The following PIAS2 variants were observed in gnomAD, a reference collection of about 807,000 sequenced individuals.
The protein encoded by PIAS2 is protein inhibitor of activated STAT 2.
In PIAS2, 19 loss-of-function variants were observed where a neutral mutation model predicts 69.7. The ratio of observed to expected loss-of-function variants is 0.27; its 90% CI spans 0.19 to 0.40. The LOEUF is 0.40. PIAS2 is among the 10% of genes least tolerant of loss of function. The pLI is 1.00. For synonymous variants in PIAS2, 261 were observed against 263.2 expected (o/e 0.99, Z 0.08); for missense variants, 624 against 757.0 (o/e 0.82, Z 2.06).
chr18:46,855,103 TAAAAAAAAAAAAA>T (rs59957336), intron 5 of PIAS2, among the ~76,000 whole-genome samples: 8 of 76,348 alleles, frequency 1.0e-4, no homozygotes, highest in Admixed American at 3.4e-4. Context: ...CTTGTCTCTT[TAAAAAAAAAAAAA>T]AAAAAAAAAA....
chr18:46,819,526 T>C (rs1011967616), intron 12 of PIAS2, among the ~76,000 whole-genome samples: 9 of 152,122 alleles, frequency 5.9e-5, no homozygotes, highest in Non-Finnish European at 1.2e-4. Context: ...TCACATAATC[T>C]AAACAAATTT....
rs1343434997 is a variant in PIAS2, at chr18:46,890,647, A to C, written c.432T>G (p.Pro144=). 2 of 1,614,192 alleles carry C rather than the reference A, an allele frequency of 1.2e-6. No individual in the cohort carries two copies. Among genetic ancestry groups the C allele is most frequent in the Non-Finnish European group, 1.7e-6 (2 of 1,179,996 alleles). ...AGGGCAGATTTTTTAACTGCACATC[A>C]GGATGGACAGGAGGAATTGGGGGAG... ...QPSPPIPPVH[P]DVQLKNLPFY... The change falls in exon 2 of 14, where the codon CCT becomes CCG. Residue 144 remains proline, a synonymous_variant. Transcript: ENST00000585916.
rs201039542 is a variant in PIAS2 at position 46,829,762 on chromosome 18, T to C, written c.1308A>G (p.Val436=). 10 of 1,613,684 alleles carry C rather than the reference T, an allele frequency of 6.2e-6. No individual in the cohort carries two copies. The highest frequency in any genetic ancestry group is 1.6e-4 in the Middle Eastern group (1 of 6,080). ...CTATTTTTGTACACGGTTGGCTGGATACTTTCATAGCTTCTTTCTTCGGTC... is the reference window on the plus strand; with the variant it reads ...CTATTTTTGTACACGGTTGGCTGGACACTTTCATAGCTTCTTTCTTCGGTC... The part of the protein sequence containing the change: ...PMRPKKEAMK[V]SSQPCTKIES... The change falls in exon 10 of 14, where the codon GTA becomes GTG. Residue 436 remains valine, a synonymous_variant. Coordinates refer to ENST00000585916, the MANE Select transcript of PIAS2 (RefSeq NM_004671.5).
intron 1 of PIAS2, among the ~76,000 whole-genome samples, chr18:46,894,302 G>A (rs182995645): frequency 1.3e-5 from 2 of 152,152 alleles, no homozygotes; most frequent in East Asian, 3.9e-4. Context: ...CAAGTTTCAG[G>A]CCCTTCCCCC....
At chr18:46,844,156 T>TAA in intron 7 of PIAS2, 29 bp from the exon 8 acceptor site, 1 of 1,178,394 alleles carries the variant, frequency 8.5e-7, no homozygotes, top group Non-Finnish European at 1.2e-6. Flanking sequence ...AAAAAAAATT[T>TAA]AAAAAAATTA....
intron 12 of PIAS2, chr18:46,818,182 T>C (rs2144758893): frequency 8.6e-7 from 1 of 1,157,834 alleles, no homozygotes; most frequent in Non-Finnish European, 1.1e-6. Flanking sequence ...ATTTGAGTCA[T>C]AAACTTTTAA....
At chr18:46,857,089 G>A (rs907730384) in intron 3 of PIAS2, among the ~76,000 whole-genome samples, 1 of 152,214 alleles carries the variant, frequency 6.6e-6, no homozygotes, top group African/African-American at 2.4e-5. Flanking sequence ...CAACACATGG[G>A]AGCAGCTGGC....
intron 2 of PIAS2, among the ~76,000 whole-genome samples, chr18:46,889,722 G>A (rs1363583890): frequency 6.6e-6 from 1 of 152,140 alleles, no homozygotes; most frequent in East Asian, 1.9e-4. Context: ...TTCCACTTGT[G>A]GGTATACAGC....
intron 5 of PIAS2, among the ~76,000 whole-genome samples, chr18:46,850,289 A>C (rs1037028876): frequency 4.6e-5 from 7 of 152,140 alleles, no homozygotes; most frequent in Admixed American, 3.3e-4. Context: ...TACAGCTTGA[A>C]TCAGAATTCA....
chr18:46,818,493 T>G (rs760666338), intron 12 of PIAS2: 1 of 1,494,844 alleles, frequency 6.7e-7, no homozygotes, highest in East Asian at 2.4e-5. Context: ...AAAGGAATGT[T>G]AAGAAATGTA....
intron 8 of PIAS2, among the ~76,000 whole-genome samples, chr18:46,841,437 T>C (rs1314443541): frequency 6.6e-6 from 1 of 152,236 alleles, no homozygotes; most frequent in Non-Finnish European, 1.5e-5. Flanking sequence ...TCCCATGTTA[T>C]TTCCATTGTT....
intron 13 of PIAS2, among the ~76,000 whole-genome samples, chr18:46,813,523 GGTTTAA>G (rs1312899712): frequency 1.4e-4 from 22 of 152,106 alleles, no homozygotes; most frequent in African/African-American, 4.1e-4. Flanking sequence ...TGCAAGAGAT[GGTTTAA>G]GTTTGTCATT....
intron 1 of PIAS2, among the ~76,000 whole-genome samples, chr18:46,892,475 T>G (rs1283781540): frequency 6.6e-6 from 1 of 151,956 alleles, no homozygotes; most frequent in East Asian, 1.9e-4. Context: ...GTAGTCACAT[T>G]AAAAAAACTA....
chr18:46,813,449 A>G (rs2041185167), intron 13 of PIAS2, among the ~76,000 whole-genome samples: 1 of 152,184 alleles, frequency 6.6e-6, no homozygotes. Context: ...ATATCAGTAT[A>G]GAATATTTTT....
chr18:46,816,054 A>T (rs2041492091), intron 12 of PIAS2: 1 of 984,484 alleles, frequency 1.0e-6, no homozygotes, highest in Non-Finnish European at 1.2e-6. Flanking sequence ...TAGGTCTGAA[A>T]AGTCTAGTAA....
At chr18:46,816,178 A>G in intron 12 of PIAS2, 1 of 985,368 alleles carries the variant, frequency 1.0e-6, no homozygotes, top group Non-Finnish European at 1.2e-6. Flanking sequence ...TTTCTATTCA[A>G]TTCCGTGAAT....
chr18:46,859,449 AAAAG>A (rs1251272108), intron 3 of PIAS2, among the ~76,000 whole-genome samples: 1 of 147,928 alleles, frequency 6.8e-6, no homozygotes, highest in Non-Finnish European at 1.5e-5. Context: ...AAAAAAAAAA[AAAAG>A]AATCAATGAA....
intron 2 of PIAS2, among the ~76,000 whole-genome samples, chr18:46,889,597 G>A (rs2053745456): frequency 6.6e-6 from 1 of 152,142 alleles, no homozygotes; most frequent in Non-Finnish European, 1.5e-5. Context: ...TTAAGGATGT[G>A]GAGAAACTGG....
intron 2 of PIAS2, among the ~76,000 whole-genome samples, chr18:46,871,211 T>C (rs1016929018): frequency 2.0e-5 from 3 of 151,922 alleles, no homozygotes; most frequent in African/African-American, 7.3e-5. Flanking sequence ...GCTCAAAAAG[T>C]ATATGTGAGA....
Sources: gnomAD v4.1 joint callset for allele counts (sites outside exome capture counted in the v4.1 genomes callset) on GRCh38, gnomAD v4.1.1 for gene constraint, MANE v1.5 for transcripts, NCBI Gene and HGNC (gene_info 2026-07-23, HGNC 2026-07-21) for gene names.